Variants in B3GALT1 observed in about 807,000 individuals in gnomAD.
The protein encoded by B3GALT1 is beta-1,3-galactosyltransferase 1.
Under a neutral mutation model 23.2 loss-of-function variants are expected in B3GALT1, and 10 were observed. The ratio of observed to expected loss-of-function variants is 0.43; its 90% confidence interval spans 0.27 to 0.73. B3GALT1 has a LOEUF of 0.73. B3GALT1 is among the 30% of genes least tolerant of loss of function. B3GALT1 has a pLI of 0.21. For synonymous variants in B3GALT1, 156 were observed against 141.5 expected (o/e 1.10, Z -0.73); for missense variants, 299 against 405.4 (o/e 0.74, Z 2.25).
chr2:167,776,180 T>C (rs1688159285), intron 3 of B3GALT1, among the ~76,000 whole-genome samples: 3 of 152,124 alleles, frequency 2.0e-5, no homozygotes. Context: ...TTTCCAATCT[T>C]TGAGCATTTA....
intron 2 of B3GALT1, among the ~76,000 whole-genome samples, chr2:167,570,544 A>T (rs1684273632): frequency 6.6e-6 from 1 of 151,934 alleles, no homozygotes; most frequent in African/African-American, 2.4e-5. Flanking sequence ...GTAATGAAAA[A>T]AGTGTTATAG....
intron 1 of B3GALT1, among the ~76,000 whole-genome samples, chr2:167,419,363 C>T (rs543680605): frequency 6.6e-6 from 1 of 152,178 alleles, no homozygotes; most frequent in Admixed American, 6.5e-5. Flanking sequence ...GTGTTTTTTC[C>T]TTCCCAAGAA....
intron 2 of B3GALT1, among the ~76,000 whole-genome samples, chr2:167,501,595 C>T (rs2105348455): frequency 6.6e-6 from 1 of 151,470 alleles, no homozygotes; most frequent in East Asian, 1.9e-4. Flanking sequence ...CATTATGAAA[C>T]AATTTGCATT....
intron 3 of B3GALT1, chr2:167,715,503 C>T: frequency 6.2e-7 from 1 of 1,611,836 alleles, no homozygotes; most frequent in Non-Finnish European, 8.5e-7. Context: ...TTGGCTTCAG[C>T]TATTTGTGAT....
intron 2 of B3GALT1, among the ~76,000 whole-genome samples, chr2:167,536,847 C>G (rs1392376409): frequency 6.6e-6 from 1 of 152,154 alleles, no homozygotes; most frequent in African/African-American, 2.4e-5. Flanking sequence ...GAACTAGAAA[C>G]TGACCCACTA....
intron 2 of B3GALT1, among the ~76,000 whole-genome samples, chr2:167,562,994 G>A (rs541114160): frequency 1.1e-4 from 17 of 152,220 alleles, no homozygotes; most frequent in Middle Eastern, 3.4e-3. Context: ...AGGATCCCAA[G>A]GCAGAAGAAC....
At chr2:167,443,825 T>G (rs1698936714) in intron 1 of B3GALT1, among the ~76,000 whole-genome samples, 1 of 152,214 alleles carries the variant, frequency 6.6e-6, no homozygotes, top group African/African-American at 2.4e-5. Context: ...AGGGACAATT[T>G]GACTTCCTCT....
At chr2:167,411,073 C>T (rs1358314346) in intron 1 of B3GALT1, among the ~76,000 whole-genome samples, 1 of 151,582 alleles carries the variant, frequency 6.6e-6, no homozygotes, top group East Asian at 1.9e-4. Flanking sequence ...AAAATGTCTA[C>T]ACAAGTGTTA....
At chr2:167,373,261 A>G (rs1233085184) in intron 1 of B3GALT1, among the ~76,000 whole-genome samples, 1 of 152,190 alleles carries the variant, frequency 6.6e-6, no homozygotes. Context: ...AAACAACAGT[A>G]TGAAGCTACT....
At chr2:167,575,085 C>T (rs1042408965) in intron 2 of B3GALT1, among the ~76,000 whole-genome samples, 2 of 151,670 alleles carry the variant, frequency 1.3e-5, no homozygotes, top group Non-Finnish European at 3.0e-5. Context: ...TTCTCTTTAC[C>T]TTGGTTTTCT....
At chr2:167,692,455 T>C (rs548195462) in intron 3 of B3GALT1, among the ~76,000 whole-genome samples, 1 of 152,220 alleles carries the variant, frequency 6.6e-6, no homozygotes, top group South Asian at 2.1e-4. Flanking sequence ...TTCCATGATA[T>C]TAGTATATGT....
intron 1 of B3GALT1, among the ~76,000 whole-genome samples, chr2:167,340,943 TA>T (rs1697137707): frequency 1.3e-5 from 2 of 151,846 alleles, no homozygotes; most frequent in African/African-American, 4.8e-5. Flanking sequence ...ACAAAGGAAA[TA>T]GGGGAAAAAG....
intron 2 of B3GALT1, among the ~76,000 whole-genome samples, chr2:167,609,232 A>G (rs1685016559): frequency 6.6e-6 from 1 of 152,282 alleles, no homozygotes; most frequent in South Asian, 2.1e-4. Context: ...TATTTGTTCT[A>G]TGTTTTCATG....
intron 2 of B3GALT1, among the ~76,000 whole-genome samples, chr2:167,634,091 G>A (rs925028493): frequency 5.3e-5 from 8 of 152,094 alleles, no homozygotes; most frequent in African/African-American, 1.9e-4. Context: ...GCTCCTGAAT[G>A]ACTACTGGCT....
At chr2:167,341,109 A>G (rs1697139965) in intron 1 of B3GALT1, among the ~76,000 whole-genome samples, 1 of 152,228 alleles carries the variant, frequency 6.6e-6, no homozygotes, top group Non-Finnish European at 1.5e-5. Flanking sequence ...GAAACAGGAT[A>G]TTAGAAGATA....
At chr2:167,808,806 A>C (rs1017155081) in intron 3 of B3GALT1, among the ~76,000 whole-genome samples, 1 of 152,000 alleles carries the variant, frequency 6.6e-6, no homozygotes, top group African/African-American at 2.4e-5. Context: ...CATTCTCTGT[A>C]TTTCCCGAAT....
At chr2:167,323,803 C>T (rs763652808) in intron 1 of B3GALT1, among the ~76,000 whole-genome samples, 2 of 150,858 alleles carry the variant, frequency 1.3e-5, no homozygotes, top group Non-Finnish European at 3.0e-5. Flanking sequence ...CACTTCTTAA[C>T]TCAGTACTTC....
intron 4 of B3GALT1, among the ~76,000 whole-genome samples, chr2:167,820,963 C>A (rs1689093318): frequency 6.6e-6 from 1 of 152,156 alleles, no homozygotes; most frequent in South Asian, 2.1e-4. Flanking sequence ...ACAAATCAAA[C>A]TCTCATATTT....
At chr2:167,526,081 C>G (rs912825699) in intron 2 of B3GALT1, among the ~76,000 whole-genome samples, 1 of 152,054 alleles carries the variant, frequency 6.6e-6, no homozygotes, top group African/African-American at 2.4e-5. Context: ...CCCTGGTTCC[C>G]TTTATTGGAG....
Sources: allele counts gnomAD v4.1 joint callset (sites outside exome capture counted in the v4.1 genomes callset), GRCh38; gene constraint gnomAD v4.1.1; transcripts MANE v1.5; gene names NCBI Gene and HGNC (gene_info 2026-07-23, HGNC 2026-07-21).